Variants in TCF12 observed in about 807,000 individuals in gnomAD.
TCF12 encodes the protein transcription factor 12.
A neutral mutation model predicts 86.0 loss-of-function variants in TCF12; 45 were observed. The ratio of observed to expected loss-of-function variants is 0.52; its 90% CI spans 0.41 to 0.67. TCF12 has a LOEUF of 0.67. Among genes scored for constraint, TCF12 ranks in the 30% least tolerant of loss-of-function variants. The probability of loss-of-function intolerance (pLI) is 0.00; values close to 1 mark genes in which losing one functional copy is unlikely to be tolerated. For missense variants in TCF12, 881 were observed against 859.9 expected (o/e 1.02, Z -0.31); for synonymous variants, 330 against 299.6 (o/e 1.10, Z -1.05).
chr15:57,142,202 C>T (rs1215276254), intron 5 of TCF12, among the ~76,000 whole-genome samples: 1 of 152,006 alleles, frequency 6.6e-6, no homozygotes. Context: ...GACCCATTAT[C>T]GCTATTAGAG....
chr15:57,013,951 G>A (rs534894585), intron 3 of TCF12, among the ~76,000 whole-genome samples: 53 of 152,198 alleles, frequency 3.5e-4, no homozygotes, highest in African/African-American at 1.2e-3. Flanking sequence ...AAAAAAAAAT[G>A]CTAAGGTGCA....
intron 5 of TCF12, among the ~76,000 whole-genome samples, chr15:57,162,892 G>C (rs1417108204): frequency 6.6e-6 from 1 of 151,734 alleles, no homozygotes; most frequent in Non-Finnish European, 1.5e-5. Context: ...GTATTAACTT[G>C]TGATGGAGTG....
intron 4 of TCF12, among the ~76,000 whole-genome samples, chr15:57,090,519 T>G (rs757585879): frequency 6.6e-6 from 1 of 152,244 alleles, no homozygotes; most frequent in Admixed American, 6.5e-5. Flanking sequence ...AGTTGTGACA[T>G]GCATCTATAA....
intron 6 of TCF12, among the ~76,000 whole-genome samples, chr15:57,184,962 T>G (rs557719291): frequency 1.3e-5 from 2 of 152,232 alleles, no homozygotes; most frequent in Non-Finnish European, 2.9e-5. Flanking sequence ...CTGGAGGTTA[T>G]TATTTTAATG....
At chr15:56,992,894 A>G (rs1373092988) in intron 3 of TCF12, among the ~76,000 whole-genome samples, 1 of 152,166 alleles carries the variant, frequency 6.6e-6, no homozygotes, top group Non-Finnish European at 1.5e-5. Context: ...TGAGCAACTG[A>G]GAAGAAGTTA....
At chr15:57,260,298 A>G (rs2060530838) in intron 16 of TCF12, among the ~76,000 whole-genome samples, 1 of 152,228 alleles carries the variant, frequency 6.6e-6, no homozygotes, top group African/African-American at 2.4e-5. Flanking sequence ...CTTTAAAAAA[A>G]TCAAATAATT....
At chr15:57,100,067 T>C (rs1316582687) in intron 5 of TCF12, among the ~76,000 whole-genome samples, 5 of 152,184 alleles carry the variant, frequency 3.3e-5, no homozygotes, top group Admixed American at 6.5e-5. Context: ...TGGATCCTTA[T>C]TGTTTTATAG....
chr15:57,042,260 T>G (rs1379799325), intron 3 of TCF12, among the ~76,000 whole-genome samples: 1 of 152,076 alleles, frequency 6.6e-6, no homozygotes. Context: ...CTGGCTCATT[T>G]GTGGTTCATC....
At chr15:57,001,012 A>ATTTTT (rs71113050) in intron 3 of TCF12, among the ~76,000 whole-genome samples, 7 of 126,734 alleles carry the variant, frequency 5.5e-5, no homozygotes, top group Admixed American at 8.7e-5. Context: ...TTTAAAAAAA[A>ATTTTT]TTTTTTTTTT....
chr15:57,207,203 T>C (rs1373157985), intron 8 of TCF12, among the ~76,000 whole-genome samples: 3 of 152,192 alleles, frequency 2.0e-5, no homozygotes, highest in Non-Finnish European at 4.4e-5. Context: ...ACCAATTCTT[T>C]TGAATCATGT....
chr15:57,137,779 A>G (rs1446200573), intron 5 of TCF12, among the ~76,000 whole-genome samples: 1 of 152,220 alleles, frequency 6.6e-6, no homozygotes, highest in Admixed American at 6.5e-5. Context: ...CCGTAATCCC[A>G]GCACTTTGAG....
chr15:56,918,099 G>A (rs3803455), upstream of TCF12: 196,404 of 416,950 alleles, frequency 0.47, 49,178 homozygotes, highest in Non-Finnish European at 0.55. Flanking sequence ...CGGAACGGCC[G>A]AGGAGGATGG....
At chr15:57,003,467 G>A (rs1355350916) in intron 3 of TCF12, among the ~76,000 whole-genome samples, 2 of 152,144 alleles carry the variant, frequency 1.3e-5, no homozygotes, top group Non-Finnish European at 2.9e-5. Flanking sequence ...CACATTGTAG[G>A]TTTCTTGTGC....
At chr15:57,040,256 C>G (rs2066807891) in intron 3 of TCF12, among the ~76,000 whole-genome samples, 1 of 152,164 alleles carries the variant, frequency 6.6e-6, no homozygotes. Context: ...ATCGTTCAAT[C>G]TAGATTCCTG....
At chr15:56,919,553 G>T in intron 1 of TCF12, 1 of 183,008 alleles carries the variant, frequency 5.5e-6, no homozygotes, top group East Asian at 1.1e-4. Context: ...CCCCAGCCGC[G>T]GCCGGGCCCG....
At chr15:56,945,657 T>C (rs1206893052) in intron 3 of TCF12, among the ~76,000 whole-genome samples, 3 of 152,178 alleles carry the variant, frequency 2.0e-5, no homozygotes, top group Admixed American at 2.0e-4. Context: ...TATAGTAGCT[T>C]TTAGATTTTC....
At chr15:56,933,695 TG>T (rs1356185861) in intron 3 of TCF12, among the ~76,000 whole-genome samples, 1 of 152,078 alleles carries the variant, frequency 6.6e-6, no homozygotes, top group Non-Finnish European at 1.5e-5. Flanking sequence ...TGGAGGTTTG[TG>T]GTCTGTACAG....
In TCF12 at chr15:57,286,723, T is replaced by G. The variant is rs1339421435; in HGVS notation, c.*578T>G. ...CTTTTGTTGCCCTCTCCTATCCTCT[T>G]GCCATATGAATAGCGTTTTCCATGA... On this transcript the variant is annotated 3_prime_UTR_variant, in exon 21 of 21. Transcript: ENST00000333725. 2.0e-5 allele frequency: 9 copies of G among 450,336 alleles called. No homozygotes were observed. Among genetic ancestry groups the G allele is most frequent in the Non-Finnish European group, 3.6e-5 (8 of 225,182 alleles). The allele number at this position is 450,336 out of a possible 1,614,324, so 27.9% of individuals were successfully genotyped here.
chr15:56,982,787 C>T (rs2062957514), intron 3 of TCF12, among the ~76,000 whole-genome samples: 2 of 152,270 alleles, frequency 1.3e-5, no homozygotes, highest in South Asian at 2.1e-4. Context: ...AACAGTTGCT[C>T]ATCTAATTCA....
Sources: gnomAD v4.1 joint callset for allele counts (sites outside exome capture counted in the v4.1 genomes callset) on GRCh38, gnomAD v4.1.1 for gene constraint, MANE v1.5 for transcripts, NCBI Gene and HGNC (gene_info 2026-07-23, HGNC 2026-07-21) for gene names.